The following CADM2 variants were observed in gnomAD, a reference collection of about 807,000 sequenced individuals.
CADM2 encodes the protein immunoglobulin superfamily member 4D.
In CADM2, 12 loss-of-function variants were observed where a neutral mutation model predicts 49.8. The observed-to-expected ratio is 0.24, with a 90% CI of 0.15 to 0.39. The LOEUF is 0.39. Ranked by LOEUF, CADM2 falls within the 10% of genes least tolerant of loss-of-function variation. The pLI, the probability that CADM2 is intolerant of heterozygous loss-of-function variation, is 1.00. For synonymous variants in CADM2, 214 were observed against 175.4 expected (o/e 1.22, Z -1.74); for missense variants, 378 against 492.3 (o/e 0.77, Z 2.20).
intron 2 of CADM2, among the ~76,000 whole-genome samples, chr3:85,768,779 CATATATAGTAT>C: frequency 7.8e-6 from 1 of 127,856 alleles, no homozygotes; most frequent in South Asian, 2.4e-4. Flanking sequence ...CACATATATA[CATATATAGTAT>C]ATATACACAT....
At chr3:85,793,535 A>T (rs1478660947) in intron 2 of CADM2, among the ~76,000 whole-genome samples, 1 of 152,146 alleles carries the variant, frequency 6.6e-6, no homozygotes, top group Non-Finnish European at 1.5e-5. Context: ...CTATGGAGAA[A>T]ATCATTGAGC....
chr3:85,097,331 T>A (rs551559977), intron 1 of CADM2, among the ~76,000 whole-genome samples: 2 of 152,164 alleles, frequency 1.3e-5, no homozygotes, highest in Admixed American at 6.6e-5. Context: ...ACATGAATTC[T>A]TCATTTTTTA....
intron 3 of CADM2, among the ~76,000 whole-genome samples, chr3:85,842,845 T>C (rs3916054): frequency 0.45 from 68,858 of 151,898 alleles, 16,508 homozygotes; most frequent in African/African-American, 0.6. Flanking sequence ...CATTAGATAT[T>C]AGATTCATAA....
intron 8 of CADM2, among the ~76,000 whole-genome samples, chr3:86,064,345 G>T (rs762498729): frequency 6.6e-6 from 1 of 151,954 alleles, no homozygotes. Flanking sequence ...GAGAATGATG[G>T]TTTCCAGCTT....
intron 1 of CADM2, among the ~76,000 whole-genome samples, chr3:85,048,242 T>C (rs2035743697): frequency 6.6e-6 from 1 of 152,186 alleles, no homozygotes; most frequent in African/African-American, 2.4e-5. Context: ...AGGCACATTT[T>C]GACATTGTCT....
At chr3:85,659,863 A>C (rs923042155) in intron 1 of CADM2, among the ~76,000 whole-genome samples, 7 of 152,118 alleles carry the variant, frequency 4.6e-5, no homozygotes, top group African/African-American at 1.7e-4. Context: ...CAATAACTTA[A>C]ACTTGAGCAC....
chr3:85,446,653 A>T (rs1449690469), intron 1 of CADM2, among the ~76,000 whole-genome samples: 2 of 133,626 alleles, frequency 1.5e-5, no homozygotes, highest in African/African-American at 5.5e-5. Context: ...CCCAGACTGG[A>T]GTACAAGGGT....
At chr3:85,140,777 G>A (rs1173954206) in intron 1 of CADM2, among the ~76,000 whole-genome samples, 4 of 152,172 alleles carry the variant, frequency 2.6e-5, no homozygotes, top group Non-Finnish European at 4.4e-5. Flanking sequence ...CTTTTAAAAT[G>A]GCTGGTGCTT....
At chr3:85,504,748 C>T (rs1174195786) in intron 1 of CADM2, among the ~76,000 whole-genome samples, 2 of 152,266 alleles carry the variant, frequency 1.3e-5, no homozygotes, top group South Asian at 4.1e-4. Context: ...CGGGGAGGCT[C>T]GGGCCGCACA....
At chr3:85,411,069 A>C (rs2035634205) in intron 1 of CADM2, among the ~76,000 whole-genome samples, 1 of 152,230 alleles carries the variant, frequency 6.6e-6, no homozygotes, top group Admixed American at 6.5e-5. Flanking sequence ...TCTGAAGTAC[A>C]AAAATGCATT....
At chr3:85,727,891 A>G (rs955997840) in intron 2 of CADM2, among the ~76,000 whole-genome samples, 2 of 152,172 alleles carry the variant, frequency 1.3e-5, no homozygotes, top group Admixed American at 1.3e-4. Flanking sequence ...AAAGGTCTGG[A>G]AACAGGAGTG....
intron 1 of CADM2, among the ~76,000 whole-genome samples, chr3:85,461,069 A>T (rs188847324): frequency 6.6e-6 from 1 of 152,288 alleles, no homozygotes; most frequent in East Asian, 1.9e-4. Flanking sequence ...TTTTCCATTC[A>T]CAGCAAAATT....
chr3:85,369,527 G>A (rs964265096), intron 1 of CADM2, among the ~76,000 whole-genome samples: 1 of 152,086 alleles, frequency 6.6e-6, no homozygotes, highest in Non-Finnish European at 1.5e-5. Context: ...CCAGCACTTT[G>A]GGAGGCTGAG....
Position 85,855,377 on chromosome 3 carries a change from T to C in CADM2, c.239-27914T>C, listed in dbSNP as rs182311718. Among the ~76,000 whole-genome samples the C allele has an allele frequency of 1.5e-3, 233 of 152,120 alleles. 1 individual carries two copies. The highest frequency in any genetic ancestry group is 5.4e-3 in the African/African-American group (225 of 41,510). ...AAATATGCATGTCATTACACACTCA[T>C]GACGCTGCTCTTCCCTTGTTAATTA... is the stretch of plus-strand genomic sequence containing the variant. On this transcript the variant is annotated intron_variant, in intron 3 of 9. Coordinates refer to ENST00000383699, the MANE Select transcript of CADM2 (RefSeq NM_001167675.2).
At chr3:85,604,379 G>T (rs12714631) in intron 1 of CADM2, among the ~76,000 whole-genome samples, 117,460 of 151,738 alleles carry the variant, frequency 0.77, 48,337 homozygotes, top group East Asian at 0.91. Context: ...CTAATCCTTT[G>T]ATTCTTTCAC....
chr3:85,500,235 G>T (rs1006138023), intron 1 of CADM2, among the ~76,000 whole-genome samples: 53 of 151,932 alleles, frequency 3.5e-4, no homozygotes, highest in Middle Eastern at 3.4e-3. Context: ...AAACTTTTTG[G>T]TTTTTTAGGC....
At position 85,909,181 on chromosome 3, in the gene CADM2, C is replaced by A. The variant is rs1234258591; in HGVS notation, c.530-3192C>A. Among the ~76,000 whole-genome samples, 3 of 152,098 alleles carry A rather than the reference C, an allele frequency of 2.0e-5. No homozygotes were observed. The East Asian group carries it at 5.8e-4, about 29-fold the overall frequency. On this transcript the variant is annotated intron_variant, in intron 5 of 9. Transcript: ENST00000383699. ...AAACCCGAATATATTCTCTCCCAGT[C>A]AGTTTCCCACATGACTCACCACCAA... is the stretch of plus-strand genomic sequence containing the variant.
intron 1 of CADM2, among the ~76,000 whole-genome samples, chr3:85,333,613 A>G (rs943446378): frequency 2.0e-5 from 3 of 151,762 alleles, no homozygotes; most frequent in African/African-American, 7.2e-5. Context: ...AATTTTTGTT[A>G]TTAAAGAAAC....
chr3:85,347,319 T>A (rs2030785406), intron 1 of CADM2, among the ~76,000 whole-genome samples: 2 of 148,530 alleles, frequency 1.3e-5, no homozygotes, highest in Admixed American at 6.7e-5. Flanking sequence ...TTTGTTTAAA[T>A]GGCATTGAGA....
Sources: gnomAD v4.1 joint callset for allele counts (sites outside exome capture counted in the v4.1 genomes callset) on GRCh38, gnomAD v4.1.1 for gene constraint, MANE v1.5 for transcripts, NCBI Gene and HGNC (gene_info 2026-07-23, HGNC 2026-07-21) for gene names.